The following L3MBTL3 variants were observed in gnomAD, a reference collection of about 807,000 sequenced individuals.
L3MBTL3 encodes the protein L3MBTL histone methyl-lysine binding protein 3.
L3MBTL3 carries 27 observed loss-of-function variants against 102.3 expected under a neutral mutation model. The ratio of observed to expected loss-of-function variants is 0.26; its 90% confidence interval spans 0.19 to 0.36. L3MBTL3 has a LOEUF of 0.36. L3MBTL3 is among the 10% of genes least tolerant of loss of function. The pLI is 1.00. For synonymous variants in L3MBTL3, 340 were observed against 320.9 expected, an observed-to-expected ratio of 1.06 and a Z score of -0.64; for missense variants, 798 against 955.3, an observed-to-expected ratio of 0.84 and a Z score of 2.17.
intron 18 of L3MBTL3, among the ~76,000 whole-genome samples, chr6:130,100,335 G>T (rs1338555476): frequency 6.6e-6 from 1 of 152,064 alleles, no homozygotes; most frequent in Non-Finnish European, 1.5e-5. Context: ...CCTGATGTCC[G>T]CCTCCATGCA....
At chr6:130,120,451 G>A (rs1786071595) in intron 19 of L3MBTL3, among the ~76,000 whole-genome samples, 1 of 152,202 alleles carries the variant, frequency 6.6e-6, no homozygotes, top group Admixed American at 6.5e-5. Context: ...CCCCAAGCCA[G>A]TCTTAGCCTC....
At chr6:130,094,418 T>C in intron 18 of L3MBTL3, 51 bp downstream of exon 18, 1 of 1,172,058 alleles carries the variant, frequency 8.5e-7, no homozygotes, top group East Asian at 2.4e-5. Context: ...TCCATATACA[T>C]GTATATATAA....
chr6:130,048,215 A>G (rs982484178), intron 3 of L3MBTL3, among the ~76,000 whole-genome samples: 1 of 152,218 alleles, frequency 6.6e-6, no homozygotes, highest in Non-Finnish European at 1.5e-5. Context: ...TGGCAAATGG[A>G]GGGCCTTGCT....
At chr6:130,116,150 A>C (rs530622957) in intron 19 of L3MBTL3, among the ~76,000 whole-genome samples, 2 of 152,344 alleles carry the variant, frequency 1.3e-5, no homozygotes, top group South Asian at 4.1e-4. Context: ...AACAGGTGTC[A>C]GTAGATAATT....
chr6:130,053,020 A>C (rs1781205222), intron 7 of L3MBTL3, 29 bp downstream of exon 7: 1 of 1,537,136 alleles, frequency 6.5e-7, no homozygotes, highest in Non-Finnish European at 9.0e-7. Flanking sequence ...CACCAGGAGC[A>C]CAGGGATGCA....
chr6:130,099,602 G>A (rs948749815), intron 18 of L3MBTL3, among the ~76,000 whole-genome samples: 10 of 152,054 alleles, frequency 6.6e-5, no homozygotes, highest in Non-Finnish European at 2.9e-5. Context: ...CACAGGAGTC[G>A]TTCCAACTCC....
intron 2 of L3MBTL3, among the ~76,000 whole-genome samples, chr6:130,029,481 C>T (rs561347184): frequency 6.6e-6 from 1 of 152,272 alleles, no homozygotes; most frequent in East Asian, 1.9e-4. Flanking sequence ...TGAGTAGTTT[C>T]TCAGAAATTA....
rs767993327 is a variant in L3MBTL3 at position 130,071,059 on chromosome 6, G to A, written c.1176G>A (p.Thr392=). The change falls in exon 13 of 23, where the codon ACG becomes ACA. Residue 392 remains threonine, a synonymous_variant. Coordinates refer to ENST00000361794, the MANE Select transcript of L3MBTL3 (RefSeq NM_032438.4). The part of the protein sequence containing the change: ...KKNPSFICVA[T]VTDMVDNRFL... ...ATCCCTCATTCATCTGTGTTGCTACGGTAACAGATATGGTGGACAATCGTT... is the reference window on the plus strand; with the variant it reads ...ATCCCTCATTCATCTGTGTTGCTACAGTAACAGATATGGTGGACAATCGTT... 7 of 1,612,548 alleles carry A rather than the reference G, an allele frequency of 4.3e-6. No individual in the cohort carries two copies. Among genetic ancestry groups the A allele is most frequent in the Admixed American group, 3.3e-5 (2 of 59,940 alleles).
In L3MBTL3 at chr6:130,094,013, G is replaced by A. The variant is rs1460370517; in HGVS notation, c.1634-252G>A. ...TTATGACGTTTTGAAAGATTGTTACGTCAAAGTTTATCATTTCATTGTTGA... is the reference window on the plus strand; with the variant it reads ...TTATGACGTTTTGAAAGATTGTTACATCAAAGTTTATCATTTCATTGTTGA... On this transcript the variant is annotated intron_variant, in intron 17 of 22. Coordinates refer to ENST00000361794, the MANE Select transcript of L3MBTL3 (RefSeq NM_032438.4). Among the ~76,000 whole-genome samples, 5 of 152,136 alleles carry A rather than the reference G, an allele frequency of 3.3e-5. No homozygotes were observed. In the South Asian group the frequency reaches 6.2e-4, roughly 19 times the overall value.
chr6:130,103,243 A>G (rs1784804272), intron 18 of L3MBTL3, among the ~76,000 whole-genome samples: 1 of 152,236 alleles, frequency 6.6e-6, no homozygotes, highest in South Asian at 2.1e-4. Context: ...ATATAAATTT[A>G]TGTCAGCACA....
chr6:130,095,942 G>A (rs1205698464), intron 18 of L3MBTL3, among the ~76,000 whole-genome samples: 2 of 152,160 alleles, frequency 1.3e-5, no homozygotes, highest in Non-Finnish European at 1.5e-5. Flanking sequence ...TTTGGAGGGG[G>A]TATTCAAACT....
intron 2 of L3MBTL3, among the ~76,000 whole-genome samples, chr6:130,034,970 A>G (rs756394550): frequency 6.6e-6 from 1 of 152,214 alleles, no homozygotes; most frequent in Non-Finnish European, 1.5e-5. Context: ...ATGTGCATGT[A>G]TAGTTAACGA....
At chr6:130,088,181 G>C (rs1474695412) in intron 16 of L3MBTL3, among the ~76,000 whole-genome samples, 1 of 152,082 alleles carries the variant, frequency 6.6e-6, no homozygotes, top group Non-Finnish European at 1.5e-5. Context: ...TGGCTGTGAG[G>C]GGTACAGTTG....
intron 2 of L3MBTL3, among the ~76,000 whole-genome samples, chr6:130,025,099 A>C (rs1779259203): frequency 6.9e-6 from 1 of 145,694 alleles, no homozygotes; most frequent in Non-Finnish European, 1.5e-5. Flanking sequence ...GTGTGTTCAC[A>C]AGGTAACTTT....
chr6:130,128,078 A>C (rs997552586), intron 20 of L3MBTL3, among the ~76,000 whole-genome samples: 1 of 152,116 alleles, frequency 6.6e-6, no homozygotes, highest in African/African-American at 2.4e-5. Context: ...CTCTCTGTGG[A>C]TGGATGTAGC....
At chr6:130,064,890 G>A (rs886108733) in intron 10 of L3MBTL3, among the ~76,000 whole-genome samples, 14 of 152,208 alleles carry the variant, frequency 9.2e-5, no homozygotes, top group African/African-American at 2.9e-4. Flanking sequence ...GTGCCCACAA[G>A]GAACTAGAGG....
At chr6:130,023,883 A>G (rs1192469132) in intron 2 of L3MBTL3, among the ~76,000 whole-genome samples, 4 of 152,190 alleles carry the variant, frequency 2.6e-5, no homozygotes, top group Admixed American at 2.6e-4. Context: ...TTGTCTTGAG[A>G]AAAAAGTAGT....
intron 4 of L3MBTL3, 127 bp from the exon 5 acceptor site, chr6:130,049,629 A>G: frequency 1.9e-6 from 2 of 1,072,930 alleles, no homozygotes; most frequent in Non-Finnish European, 2.8e-6. Context: ...TTAGTTGGAA[A>G]TTAAGTAAAT....
intron 1 of L3MBTL3, among the ~76,000 whole-genome samples, chr6:130,019,855 C>T (rs1422631194): frequency 2.2e-5 from 3 of 138,832 alleles, no homozygotes; most frequent in Non-Finnish European, 3.2e-5. Context: ...GGCGGCCGTC[C>T]GCGCGGGAGA....
Sources: gnomAD v4.1 joint callset for allele counts (sites outside exome capture counted in the v4.1 genomes callset) on GRCh38, gnomAD v4.1.1 for gene constraint, MANE v1.5 for transcripts, NCBI Gene and HGNC (gene_info 2026-07-23, HGNC 2026-07-21) for gene names.